The following PTPRN2 variants were observed in gnomAD, a reference collection of about 807,000 sequenced individuals.
PTPRN2 encodes protein tyrosine phosphatase receptor type N2.
Under a neutral mutation model 118.8 loss-of-function variants are expected in PTPRN2, and 74 were observed. That is an observed-to-expected ratio of 0.62 (90% CI 0.52 to 0.76). The LOEUF (loss-of-function observed/expected upper bound fraction) is 0.76, where lower values mean the gene tolerates loss of function less well. Among genes scored for constraint, PTPRN2 ranks in the 30% least tolerant of loss-of-function variants. PTPRN2 has a pLI of 0.00. For synonymous variants in PTPRN2, 641 were observed against 608.0 expected (o/e 1.05, Z -0.80); for missense variants, 1,481 against 1,394.4 (o/e 1.06, Z -0.99).
intron 22 of PTPRN2, among the ~76,000 whole-genome samples, chr7:157,545,285 A>C (rs1798249722): frequency 7.5e-6 from 1 of 133,360 alleles, no homozygotes; most frequent in South Asian, 2.4e-4. Context: ...AGCAGTGTGC[A>C]CGGCTGTATG....
intron 2 of PTPRN2, among the ~76,000 whole-genome samples, chr7:158,374,340 G>A (rs1810330877): frequency 6.6e-6 from 1 of 152,116 alleles, no homozygotes. Context: ...CAATGCTGCA[G>A]GCCAAGAACA....
intron 3 of PTPRN2, among the ~76,000 whole-genome samples, chr7:158,276,671 G>A (rs770036854): frequency 7.9e-5 from 12 of 152,318 alleles, no homozygotes; most frequent in East Asian, 7.7e-4. Flanking sequence ...TGCTTCCAGC[G>A]TTTCCAGGCC....
intron 2 of PTPRN2, among the ~76,000 whole-genome samples, chr7:158,455,758 C>T (rs10277700): frequency 0.32 from 35,410 of 110,202 alleles, 5,519 homozygotes; most frequent in African/African-American, 0.36. Context: ...GAGAAGACAA[C>T]GGCATGGACG....
At chr7:158,332,911 C>A (rs1462650233) in intron 2 of PTPRN2, among the ~76,000 whole-genome samples, 3 of 150,568 alleles carry the variant, frequency 2.0e-5, no homozygotes, top group African/African-American at 2.5e-5. Context: ...CTCACACCCA[C>A]ACTCTCACCA....
At chr7:158,178,920 T>C (rs560424268) in intron 5 of PTPRN2, among the ~76,000 whole-genome samples, 5 of 152,240 alleles carry the variant, frequency 3.3e-5, no homozygotes, top group Non-Finnish European at 7.3e-5. Context: ...AATGGGCACT[T>C]AGACTGGTTC....
At chr7:158,556,841 C>T (rs1347645007) in intron 1 of PTPRN2, among the ~76,000 whole-genome samples, 1 of 144,186 alleles carries the variant, frequency 6.9e-6, no homozygotes, top group Non-Finnish European at 1.5e-5. Flanking sequence ...AGGCAGCTCC[C>T]GCGCAGGTCA....
chr7:158,018,990 A>AAG (rs1484584901), intron 11 of PTPRN2, among the ~76,000 whole-genome samples: 2 of 149,698 alleles, frequency 1.3e-5, no homozygotes, highest in Admixed American at 6.7e-5. Context: ...AAAAAAAAAA[A>AAG]AGAGAATATA....
intron 2 of PTPRN2, among the ~76,000 whole-genome samples, chr7:158,437,758 C>T (rs1235286753): frequency 6.6e-6 from 1 of 152,216 alleles, no homozygotes; most frequent in Non-Finnish European, 1.5e-5. Context: ...CTCTGCTTTT[C>T]CATAGCTTTC....
At chr7:158,131,227 C>T (rs546189275) in intron 9 of PTPRN2, among the ~76,000 whole-genome samples, 5 of 151,700 alleles carry the variant, frequency 3.3e-5, no homozygotes, top group African/African-American at 1.2e-4. Flanking sequence ...TACATACACA[C>T]ACACCCAACA....
rs2128944479 is a variant in PTPRN2, at chr7:158,090,951, AC to A, written c.1644-9575del. Among the ~76,000 whole-genome samples the A allele has an allele frequency of 2.0e-5, 3 of 152,352 alleles. 1 individual carries two copies. The South Asian group carries it at 6.2e-4, about 32-fold the overall frequency. On this transcript the variant is annotated intron_variant, in intron 10 of 22. Coordinates refer to ENST00000389418, the MANE Select transcript of PTPRN2 (RefSeq NM_002847.5). ...ACACTTTAACCACAGGAAAGAAAAC[AC>A]TGAGCTCCATCTGTTCTTAGACCAA...
chr7:158,205,862 G>A (rs989424800), intron 3 of PTPRN2, among the ~76,000 whole-genome samples: 11 of 152,130 alleles, frequency 7.2e-5, no homozygotes, highest in Admixed American at 2.0e-4. Context: ...CTCAACCAGA[G>A]CCCATGGAGG....
intron 1 of PTPRN2, among the ~76,000 whole-genome samples, chr7:158,492,029 G>T (rs1316195445): frequency 6.6e-6 from 1 of 152,146 alleles, no homozygotes; most frequent in East Asian, 1.9e-4. Context: ...GAGGTTAGAG[G>T]TCCTCTCAGA....
intron 11 of PTPRN2, among the ~76,000 whole-genome samples, chr7:157,928,666 G>A (rs907973868): frequency 7.1e-5 from 9 of 126,952 alleles, no homozygotes; most frequent in Admixed American, 3.0e-4. Flanking sequence ...GGGAGTGCAA[G>A]TTCCGACTAT....
intron 1 of PTPRN2, among the ~76,000 whole-genome samples, chr7:158,547,152 T>C (rs1446711767): frequency 6.6e-6 from 1 of 152,208 alleles, no homozygotes; most frequent in East Asian, 1.9e-4. Context: ...CTAAACTTTT[T>C]TTTAACTGTG....
chr7:158,090,233 C>T (rs1483465944), intron 10 of PTPRN2, among the ~76,000 whole-genome samples: 1 of 122,116 alleles, frequency 8.2e-6, no homozygotes, highest in Non-Finnish European at 1.9e-5. Context: ...TGCCTAGAGC[C>T]CTCAGAGGTG....
At chr7:158,244,584 G>A (rs117636334) in intron 3 of PTPRN2, among the ~76,000 whole-genome samples, 10,197 of 152,150 alleles carry the variant, frequency 0.067, 476 homozygotes, top group Non-Finnish European at 0.098. Flanking sequence ...GTGTGTGAGC[G>A]TGAGTTTTGT....
chr7:158,391,371 C>G (rs1811915552), intron 2 of PTPRN2, among the ~76,000 whole-genome samples: 1 of 152,136 alleles, frequency 6.6e-6, no homozygotes, highest in African/African-American at 2.4e-5. Flanking sequence ...GCCCGAAATC[C>G]AGGTCCGGGC....
chr7:158,220,278 C>A (rs187254360), intron 3 of PTPRN2, among the ~76,000 whole-genome samples: 1 of 152,260 alleles, frequency 6.6e-6, no homozygotes, highest in East Asian at 1.9e-4. Context: ...AATGCCCACT[C>A]TCATCACTCC....
chr7:158,434,134 T>A (rs1816415155), intron 2 of PTPRN2, among the ~76,000 whole-genome samples: 3 of 152,210 alleles, frequency 2.0e-5, no homozygotes, highest in African/African-American at 7.2e-5. Flanking sequence ...ATTTTCAATA[T>A]GTATGCTGTG....
Sources: gnomAD v4.1 joint callset for allele counts (sites outside exome capture counted in the v4.1 genomes callset) on GRCh38, gnomAD v4.1.1 for gene constraint, MANE v1.5 for transcripts, NCBI Gene and HGNC (gene_info 2026-07-23, HGNC 2026-07-21) for gene names.